IMP3: variants seen among roughly 807,000 people sequenced by gnomAD.
IMP3 encodes IMP U3 small nucleolar ribonucleoprotein 3.
Under a neutral mutation model 10.2 loss-of-function variants are expected in IMP3, and 17 were observed. The observed-to-expected ratio is 1.67, with a 90% CI of 1.14 to 2.50. IMP3 has a LOEUF of 2.50. IMP3 is among the 30% of genes most tolerant of loss of function. The pLI is 0.00. For synonymous variants in IMP3, 167 were observed against 120.1 expected (o/e 1.39, Z -2.55); for missense variants, 290 against 260.2 (o/e 1.11, Z -0.79).
Position 75,639,914 on chromosome 15 carries a change from A to G in IMP3, c.255T>C (p.Ala85=). 3 of 1,610,748 alleles carry G rather than the reference A, an allele frequency of 1.9e-6. No homozygotes were observed. Among genetic ancestry groups the G allele is most frequent in the Non-Finnish European group, 2.5e-6 (3 of 1,179,040 alleles). Residue 85 remains alanine, a synonymous_variant, in exon 1 of 1, where the codon GCT becomes GCC. Coordinates refer to ENST00000403490, the MANE Select transcript of IMP3 (RefSeq NM_018285.4). ...ASAALLDKLY[A]LGLVPTRGSL... is the part of the protein sequence containing the mutation. ...AACCGCGCGTGGGCACCAAGCCGAG[A>G]GCATACAGCTTGTCCAGCAGCGCGG...
rs772714994 is a variant in IMP3 at position 75,639,954 on chromosome 15, C to T, written c.215G>A (p.Arg72His). 4.4e-6 allele frequency: 7 copies of T among 1,605,700 alleles called. No homozygotes were observed. The Admixed American group carries it at 1.2e-4, about 27-fold the overall frequency. ...LRDLPERDQF[R>H]VRASAALLDK... ...CAGCAGCGCGGCCGAAGCGCGCACG[C>T]GGAACTGGTCGCGTTCGGGCAGGTC... Residue 72 changes from arginine to histidine, a missense_variant, in exon 1 of 1, where the codon CGC becomes CAC. Arg to His is a conservative substitution (Grantham distance 29). Coordinates refer to ENST00000403490, the MANE Select transcript of IMP3 (RefSeq NM_018285.4).
Position 75,639,536 on chromosome 15 carries a change from A to G in IMP3, c.*78T>C. The G allele has an allele frequency of 4.5e-6, 6 of 1,330,842 alleles. No individual in the cohort carries two copies. Among genetic ancestry groups the G allele is most frequent in the South Asian group, 1.2e-5 (1 of 83,044 alleles). The allele number at this position is 1,330,842 out of a possible 1,614,324, so 82.4% of individuals were successfully genotyped here. On this transcript the variant is annotated 3_prime_UTR_variant, in exon 1 of 1. Transcript: ENST00000403490. Reference sequence around the variant, plus strand: ...ACGACCGTCTGATACCCTTGAGGAGAGCACCCTCATAGAATCTCCAGCATC... The same window carrying G: ...ACGACCGTCTGATACCCTTGAGGAGGGCACCCTCATAGAATCTCCAGCATC...
rs1218460459 is a variant in IMP3, at chr15:75,639,812, G to T, written c.357C>A (p.Arg119=). ...RRLPTVLLKL[R]MAQHLQAAVA... ...CGGCAGCCTGAAGGTGCTGCGCCAT[G>T]CGCAGCTTGAGGAGCACGGTGGGGA... Residue 119 remains arginine (R), a synonymous_variant, in exon 1 of 1, where the codon CGC becomes CGA. Coordinates refer to ENST00000403490, the MANE Select transcript of IMP3 (RefSeq NM_018285.4). 17 of 1,611,720 alleles carry T rather than the reference G, an allele frequency of 1.1e-5. No individual in the cohort carries two copies. The highest frequency in any genetic ancestry group is 2.7e-5 in the African/African-American group (2 of 74,862).
In IMP3 at chr15:75,640,047, C is replaced by T. The variant is rs767481834; in HGVS notation, c.122G>A (p.Arg41Gln). ...GTTGTAGCGCGTGTAGTCCTCCCGC[C>T]GCTGCAGCCGGTAACGCCGCAGCAC... ...LRVLRRYRLQ[R>Q]REDYTRYNQL... Residue 41 changes from arginine to glutamine, a missense_variant, in exon 1 of 1, where the codon CGG (arginine) becomes CAG (glutamine). Coordinates refer to ENST00000403490, the MANE Select transcript of IMP3 (RefSeq NM_018285.4). 2.9e-5 allele frequency: 46 copies of T among 1,606,566 alleles called. No homozygotes were observed. Among genetic ancestry groups the T allele is most frequent in the Non-Finnish European group, 3.7e-5 (44 of 1,177,404 alleles).
At position 75,639,516 on chromosome 15, in the gene IMP3, C is replaced by T; in HGVS notation, c.*98G>A. The T allele has an allele frequency of 9.2e-7, 1 of 1,085,884 alleles. No homozygotes were observed. Among genetic ancestry groups the T allele is most frequent in the African/African-American group, 1.6e-5 (1 of 64,024 alleles). 67.3% of individuals were successfully genotyped at this position (1,085,884 alleles called of 1,614,324 possible). A position where few individuals can be genotyped will look rare whatever the true frequency, so the allele number is the denominator to read the frequency against. On this transcript the variant is annotated 3_prime_UTR_variant, in exon 1 of 1. Coordinates refer to ENST00000403490, the MANE Select transcript of IMP3 (RefSeq NM_018285.4). ...AATCAAATTCTTAAGAACCTACGAC[C>T]GTCTGATACCCTTGAGGAGAGCACC...
Position 75,639,671 on chromosome 15 carries a change from G to C in IMP3, c.498C>G (p.Ile166Met), listed in dbSNP as rs750879920. ...CATTGTACTCTAGCACGTGCCGCTT[G>C]ATCTTGGACGAGTCCACCCAAGTGA... ...DFVTWVDSSK[I>M]KRHVLEYNEE... The change falls in exon 1 of 1, where the codon ATC (isoleucine) becomes ATG (methionine). Residue 166 changes from isoleucine to methionine, a missense_variant. Transcript: ENST00000403490. 2.4e-5 allele frequency: 39 copies of C among 1,613,804 alleles called. No homozygotes were observed. The East Asian group carries it at 7.3e-4, about 30-fold the overall frequency.
chr15:75,639,554 C>T lies in IMP3; in HGVS notation c.*60G>A. The T allele has an allele frequency of 6.7e-7, 1 of 1,489,974 alleles. No individual in the cohort carries two copies. The highest frequency in any genetic ancestry group is 1.7e-5 in the Admixed American group (1 of 59,592). The allele number at this position is 1,489,974 out of a possible 1,614,324, so 92.3% of individuals were successfully genotyped here. Reference sequence around the variant, plus strand: ...TGAGGAGAGCACCCTCATAGAATCTCCAGCATCAGGCCTCAGTTTTCCCAT... The same window carrying T: ...TGAGGAGAGCACCCTCATAGAATCTTCAGCATCAGGCCTCAGTTTTCCCAT... On this transcript the variant is annotated 3_prime_UTR_variant, in exon 1 of 1. Transcript: ENST00000403490.
In IMP3 at chr15:75,639,644, C is replaced by T; in HGVS notation, c.525G>A (p.Glu175=). 7.4e-6 allele frequency: 12 copies of T among 1,613,928 alleles called. No homozygotes were observed. The highest frequency in any genetic ancestry group is 1.0e-5 in the Non-Finnish European group (12 of 1,180,042). ...CTTCCAGATCGAAGTCATCGCGCTC[C>T]TCATTGTACTCTAGCACGTGCCGCT... The part of the protein sequence containing the change: ...KIKRHVLEYN[E]ERDDFDLEA The change falls in exon 1 of 1, where the codon GAG becomes GAA. Residue 175 remains glutamate, a synonymous_variant. Transcript: ENST00000403490.
chr15:75,639,972 G>A lies in IMP3; in HGVS notation c.197C>T (p.Pro66Leu). 1 of 1,604,266 alleles carries A rather than the reference G, an allele frequency of 6.2e-7. No homozygotes were observed. The highest frequency in any genetic ancestry group is 2.2e-5 in the East Asian group (1 of 44,478). Residue 66 changes from proline (P) to leucine (L), a missense_variant, in exon 1 of 1, where the codon CCC (proline) becomes CTC (leucine). Pro to Leu is a moderately conservative substitution (Grantham distance 98). Coordinates refer to ENST00000403490, the MANE Select transcript of IMP3 (RefSeq NM_018285.4). ...GCGCACGCGGAACTGGTCGCGTTCG[G>A]GCAGGTCGCGCAGGCGCCGCGCCAG... is the stretch of plus-strand genomic sequence containing the variant. ...RELARRLRDL[P>L]ERDQFRVRAS... is the part of the protein sequence containing the mutation.
At position 75,640,051 on chromosome 15, in the gene IMP3, G is replaced by A. The variant is rs1057034431; in HGVS notation, c.118C>T (p.Gln40Ter). 9.3e-6 allele frequency: 15 copies of A among 1,607,630 alleles called. No homozygotes were observed. The highest frequency in any genetic ancestry group is 3.3e-5 in the South Asian group (3 of 90,508). Residue 40 changes from glutamine to a stop codon, truncating the protein, a stop_gained, in exon 1 of 1, where the codon CAG becomes TAG. Coordinates refer to ENST00000403490, the MANE Select transcript of IMP3 (RefSeq NM_018285.4). LOFTEE classifies it high-confidence loss of function. ...TAGCGCGTGTAGTCCTCCCGCCGCT[G>A]CAGCCGGTAACGCCGCAGCACGCGC... ...ELRVLRRYRL[Q>*]RREDYTRYNQ... is the part of the protein sequence containing the mutation.
chr15:75,639,823 G>A lies in IMP3; in HGVS notation c.346C>T (p.Leu116Phe). 6.2e-7 allele frequency: 1 copy of A among 1,611,294 alleles called. No homozygotes were observed. The change falls in exon 1 of 1, where the codon CTC becomes TTC. Residue 116 changes from leucine (L) to phenylalanine (F), a missense_variant. Physicochemically the swap from Leu to Phe is conservative, Grantham distance 22 (BLOSUM62 0). Coordinates refer to ENST00000403490, the MANE Select transcript of IMP3 (RefSeq NM_018285.4). ...FCRRRLPTVL[L>F]KLRMAQHLQA... ...AGGTGCTGCGCCATGCGCAGCTTGA[G>A]GAGCACGGTGGGGAGGCGGCGGCGG... is the stretch of plus-strand genomic sequence containing the variant.
chr15:75,639,875 G>T lies in IMP3; in HGVS notation c.294C>A (p.Cys98Ter). The T allele has an allele frequency of 1.2e-6, 2 of 1,611,534 alleles. No individual in the cohort carries two copies. Among genetic ancestry groups the T allele is most frequent in the Non-Finnish European group, 1.7e-6 (2 of 1,179,338 alleles). ...LVPTRGSLEL[C>*]DFVTASSFCR... ...AGAAGGACGAGGCCGTGACGAAGTC[G>T]CAGAGCTCCAGCGAACCGCGCGTGG... The change falls in exon 1 of 1, where the codon TGC becomes TGA. Residue 98 changes from cysteine (C) to a stop codon, truncating the protein, a stop_gained. Coordinates refer to ENST00000403490, the MANE Select transcript of IMP3 (RefSeq NM_018285.4). LOFTEE classifies it high-confidence loss of function.
At position 75,639,867 on chromosome 15, in the gene IMP3, A is replaced by C. The variant is rs1566964321; in HGVS notation, c.302T>G (p.Val101Gly). ...TRGSLELCDF[V>G]TASSFCRRRL... The stretch of plus-strand genomic sequence containing the variant: ...GCGGCGGCAGAAGGACGAGGCCGTG[A>C]CGAAGTCGCAGAGCTCCAGCGAACC... The change falls in exon 1 of 1, where the codon GTC (valine) becomes GGC (glycine). Residue 101 changes from valine (V) to glycine (G), a missense_variant. By Grantham distance (109) the Val-to-Gly change is moderately radical (BLOSUM62 -3). Coordinates refer to ENST00000403490, the MANE Select transcript of IMP3 (RefSeq NM_018285.4). 5 of 1,611,652 alleles carry C rather than the reference A, an allele frequency of 3.1e-6. No individual in the cohort carries two copies. The highest frequency in any genetic ancestry group is 4.2e-6 in the Non-Finnish European group (5 of 1,179,350).
rs145101512 is a variant in IMP3 at position 75,639,615 on chromosome 15, T to C, written c.554A>G (p.Ter185TrpextTer18). The change falls in exon 1 of 1, where the codon TAG (stop) becomes TGG (tryptophan). Residue 185 changes from the stop codon to tryptophan (W), a stop_lost. Transcript: ENST00000403490. ...EERDDFDLEA* is the reference protein window; with the variant it reads ...EERDDFDLEAW ...CAGCCATGCAAAGTGGGAGATCCGC[T>C]AGGCTTCCAGATCGAAGTCATCGCG... The C allele has an allele frequency of 4.3e-5, 70 of 1,613,300 alleles. No individual in the cohort carries two copies. Among genetic ancestry groups the C allele is most frequent in the Admixed American group, 1.7e-5 (1 of 60,006 alleles).
rs758632663 is a variant in IMP3, at chr15:75,639,979, C to A, written c.190G>T (p.Asp64Tyr). The A allele has an allele frequency of 6.9e-6, 11 of 1,603,150 alleles. No individual in the cohort carries two copies. In the Middle Eastern group the frequency reaches 1.2e-3, roughly 170 times the overall value. ...AVRELARRLR[D>Y]LPERDQFRVR... ...CGGAACTGGTCGCGTTCGGGCAGGT[C>A]GCGCAGGCGCCGCGCCAGCTCACGC... is the stretch of plus-strand genomic sequence containing the variant. Residue 64 changes from aspartate (D) to tyrosine (Y), a missense_variant, in exon 1 of 1, where the codon GAC (aspartate) becomes TAC (tyrosine). Coordinates refer to ENST00000403490, the MANE Select transcript of IMP3 (RefSeq NM_018285.4).
At position 75,640,031 on chromosome 15, in the gene IMP3, C is replaced by T. The variant is rs368394543; in HGVS notation, c.138G>A (p.Thr46=). The change falls in exon 1 of 1, where the codon ACG becomes ACA. Residue 46 remains threonine, a synonymous_variant. Coordinates refer to ENST00000403490, the MANE Select transcript of IMP3 (RefSeq NM_018285.4). ...CGGCACGGCTCAGCTGGTTGTAGCGCGTGTAGTCCTCCCGCCGCTGCAGCC... is the reference window on the plus strand; with the variant it reads ...CGGCACGGCTCAGCTGGTTGTAGCGTGTGTAGTCCTCCCGCCGCTGCAGCC... ...RYRLQRREDY[T]RYNQLSRAVR... is the part of the protein sequence containing the mutation. The T allele has an allele frequency of 1.5e-5, 24 of 1,599,060 alleles. 1 individual carries two copies. The highest frequency in any genetic ancestry group is 3.6e-4 in the Middle Eastern group (2 of 5,554).
At position 75,639,628 on chromosome 15, in the gene IMP3, C is replaced by T. The variant is rs141574567; in HGVS notation, c.541G>A (p.Asp181Asn). 4 of 1,613,630 alleles carry T rather than the reference C, an allele frequency of 2.5e-6. No homozygotes were observed. The African/African-American group carries it at 4.0e-5, about 16-fold the overall frequency. ...TGGGAGATCCGCTAGGCTTCCAGAT[C>T]GAAGTCATCGCGCTCCTCATTGTAC... Reference protein sequence around the residue: ...LEYNEERDDFDLEA With the variant: ...LEYNEERDDFNLEA Residue 181 changes from aspartate to asparagine, a missense_variant, in exon 1 of 1, where the codon GAT becomes AAT. Asp to Asn is a conservative substitution (Grantham distance 23, BLOSUM62 1). Transcript: ENST00000403490.
In IMP3 at chr15:75,640,012, G is replaced by T. The variant is rs1893405253; in HGVS notation, c.157C>A (p.Arg53Ser). 6.2e-7 allele frequency: 1 copy of T among 1,601,292 alleles called. No homozygotes were observed. The highest frequency in any genetic ancestry group is 8.5e-7 in the Non-Finnish European group (1 of 1,174,874). Reference protein sequence around the residue: ...EDYTRYNQLSRAVRELARRLR... With the variant: ...EDYTRYNQLSSAVRELARRLR... ...CGCCGCGCCAGCTCACGCACGGCACGGCTCAGCTGGTTGTAGCGCGTGTAG... is the reference window on the plus strand; with the variant it reads ...CGCCGCGCCAGCTCACGCACGGCACTGCTCAGCTGGTTGTAGCGCGTGTAG... The change falls in exon 1 of 1, where the codon CGT becomes AGT. Residue 53 changes from arginine to serine, a missense_variant. Physicochemically the swap from Arg to Ser is moderately radical, Grantham distance 110 (BLOSUM62 -1). Coordinates refer to ENST00000403490, the MANE Select transcript of IMP3 (RefSeq NM_018285.4).
Position 75,639,588 on chromosome 15 carries a change from G to C in IMP3, c.*26C>G, listed in dbSNP as rs904889187. 2 of 1,602,874 alleles carry C rather than the reference G, an allele frequency of 1.2e-6. No individual in the cohort carries two copies. The highest frequency in any genetic ancestry group is 1.3e-5 in the African/African-American group (1 of 74,864). ...GGCCTCAGTTTTCCCATCTGTAAAA[G>C]ACAGCCATGCAAAGTGGGAGATCCG... On this transcript the variant is annotated 3_prime_UTR_variant, in exon 1 of 1. Transcript: ENST00000403490.
Sources: gnomAD v4.1 joint callset for allele counts on GRCh38, gnomAD v4.1.1 for gene constraint, MANE v1.5 for transcripts, NCBI Gene and HGNC (gene_info 2026-07-23, HGNC 2026-07-21) for gene names.